The following DNTTIP2 variants were observed in gnomAD, a reference collection of about 807,000 sequenced individuals.
DNTTIP2 encodes the protein deoxynucleotidyltransferase terminal interacting protein 2.
In DNTTIP2, 47 loss-of-function variants were observed where a neutral mutation model predicts 62.4. That is an observed-to-expected ratio of 0.75 (90% CI 0.60 to 0.96). DNTTIP2 has a LOEUF of 0.96. Among genes scored for constraint, DNTTIP2 ranks in the 40% least tolerant of loss-of-function variants. DNTTIP2 has a pLI of 0.00. For missense variants in DNTTIP2, 870 were observed against 849.1 expected, an observed-to-expected ratio of 1.02 and a Z score of -0.31; for synonymous variants, 322 against 300.9, an observed-to-expected ratio of 1.07 and a Z score of -0.73.
chr1:93,867,198 T>G lies in DNTTIP2; in HGVS notation c.*2653A>C, dbSNP rs1488820427. 1 of 150,848 alleles carries G rather than the reference T, an allele frequency of 6.6e-6. No individual in the cohort carries two copies. The highest frequency in any genetic ancestry group is 6.6e-5 in the Admixed American group (1 of 15,158). The allele number at this position is 150,848 out of a possible 1,614,324, so 9.3% of individuals were successfully genotyped here. On this transcript the variant is annotated 3_prime_UTR_variant, in exon 7 of 7. Coordinates refer to ENST00000436063, the MANE Select transcript of DNTTIP2 (RefSeq NM_014597.5). ...GCCAGATGGTGTATAAATACAGCAT[T>G]CTTTTCGAAATCTTTCAAGATCTTC...
At position 93,869,189 on chromosome 1, in the gene DNTTIP2, T is replaced by C. The variant is rs990665031; in HGVS notation, c.*662A>G. On this transcript the variant is annotated 3_prime_UTR_variant, in exon 7 of 7. Transcript: ENST00000436063. Reference sequence around the variant, plus strand: ...GGAGAAGAGGTAAGCTGGGTTAACTTCGAAGAAACCCTGGCCAACTTAAAT... The same window carrying C: ...GGAGAAGAGGTAAGCTGGGTTAACTCCGAAGAAACCCTGGCCAACTTAAAT... The C allele has an allele frequency of 8.0e-6, 1 of 124,852 alleles. No individual in the cohort carries two copies. Among genetic ancestry groups the C allele is most frequent in the African/African-American group, 3.2e-5 (1 of 30,874 alleles). The allele number at this position is 124,852 out of a possible 1,614,324, so 7.7% of individuals were successfully genotyped here.
chr1:93,877,631 T>G lies in DNTTIP2; in HGVS notation c.304A>C (p.Thr102Pro). 1 of 1,614,012 alleles carries G rather than the reference T, an allele frequency of 6.2e-7. No homozygotes were observed. The highest frequency in any genetic ancestry group is 8.5e-7 in the Non-Finnish European group (1 of 1,179,884). ...CTTCTCCTAGTTACCCTTAAAATGG[T>G]ATCATGGTGCTCAGACACAGAATAA... ...SNYSVSEHHDTILRVTRRRQI... is the reference protein window; with the variant it reads ...SNYSVSEHHDPILRVTRRRQI... Residue 102 changes from threonine (T) to proline (P), a missense_variant, in exon 2 of 7, where the codon ACC becomes CCC. Thr to Pro is a conservative substitution (Grantham distance 38). Coordinates refer to ENST00000436063, the MANE Select transcript of DNTTIP2 (RefSeq NM_014597.5).
intron 3 of DNTTIP2, among the ~76,000 whole-genome samples, chr1:93,873,592 C>T (rs1224788168): frequency 1.3e-5 from 2 of 149,002 alleles, no homozygotes; most frequent in Non-Finnish European, 3.0e-5. Context: ...CAGAGTGAGA[C>T]CCTGTCTCCC....
chr1:93,872,564 A>C (rs1481510967), intron 4 of DNTTIP2, among the ~76,000 whole-genome samples: 1 of 152,206 alleles, frequency 6.6e-6, no homozygotes, highest in African/African-American at 2.4e-5. Context: ...ATGCAGTAAG[A>C]AAATGTATAA....
chr1:93,871,702 G>A (rs570905741), intron 5 of DNTTIP2, among the ~76,000 whole-genome samples: 12 of 152,250 alleles, frequency 7.9e-5, no homozygotes, highest in East Asian at 7.7e-4. Context: ...GGTGTAACAC[G>A]AACAGATGAA....
rs374061687 is a variant in DNTTIP2 at position 93,876,340 on chromosome 1, G to C, written c.1595C>G (p.Ser532Ter). 3.9e-6 allele frequency: 6 copies of C among 1,554,830 alleles called. No homozygotes were observed. The African/African-American group carries it at 8.2e-5, about 21-fold the overall frequency. Residue 532 changes from serine (S) to a stop codon, truncating the protein, a stop_gained, in exon 2 of 7, where the codon TCA becomes TGA. Coordinates refer to ENST00000436063, the MANE Select transcript of DNTTIP2 (RefSeq NM_014597.5). LOFTEE classifies it high-confidence loss of function. ...EEEDEKSEED[S>*]SDHDENEDEF... The stretch of plus-strand genomic sequence containing the variant: ...ATCTTCATTTTCGTCATGGTCTGAT[G>C]AATCTTCTTCACTTTTTTCATCCTC...
intron 4 of DNTTIP2, 135 bp from the exon 5 acceptor site, chr1:93,872,371 C>A (rs1162887035): frequency 3.7e-6 from 3 of 820,232 alleles, no homozygotes; most frequent in Non-Finnish European, 5.5e-6. Flanking sequence ...GCACTTAAAT[C>A]CAGAATCATA....
At chr1:93,870,087 G>A (rs201341136) in intron 6 of DNTTIP2, 143 bp from the exon 7 acceptor site, 1 of 576,726 alleles carries the variant, frequency 1.7e-6, no homozygotes, top group Non-Finnish European at 3.1e-6. Flanking sequence ...AATCTAGGGA[G>A]AAAAAATGGC....
chr1:93,873,034 C>A, intron 4 of DNTTIP2, 85 bp downstream of exon 4: 1 of 909,982 alleles, frequency 1.1e-6, no homozygotes, highest in Non-Finnish European at 1.7e-6. Flanking sequence ...CCAACAGATA[C>A]AGTTTAATTG....
intron 5 of DNTTIP2, 33 bp from the exon 6 acceptor site, chr1:93,870,825 T>C (rs1028989504): frequency 3.3e-6 from 4 of 1,225,818 alleles, no homozygotes; most frequent in African/African-American, 1.5e-5. Flanking sequence ...AGTCATGCAT[T>C]GAGTGCCAAG....
At position 93,869,797 on chromosome 1, in the gene DNTTIP2, T is replaced by TTTTA; in HGVS notation, c.*53_*54insTAAA. On this transcript the variant is annotated 3_prime_UTR_variant, in exon 7 of 7. Coordinates refer to ENST00000436063, the MANE Select transcript of DNTTIP2 (RefSeq NM_014597.5). ...TGATGGTGTTAGTTTTCCAAACGTC[T>TTTTA]TTAATAAGTAAATAAAGGAGCAATG... is the stretch of plus-strand genomic sequence containing the variant. The TTTTA allele has an allele frequency of 1.3e-6, 1 of 757,084 alleles. No homozygotes were observed. Among genetic ancestry groups the TTTTA allele is most frequent in the South Asian group, 1.4e-5 (1 of 72,102 alleles). 46.9% of individuals were successfully genotyped at this position (757,084 alleles called of 1,614,324 possible).
intron 1 of DNTTIP2, 130 bp from the exon 2 acceptor site, chr1:93,877,992 G>A (rs1656058852): frequency 7.5e-7 from 1 of 1,337,944 alleles, no homozygotes; most frequent in Admixed American, 3.0e-5. Context: ...AAAAAAACCT[G>A]CCCAACTCAT....
rs1045462886 is a variant in DNTTIP2 at position 93,873,343 on chromosome 1, T to C, written c.1807-129A>G. 4 of 660,904 alleles carry C rather than the reference T, an allele frequency of 6.1e-6. No homozygotes were observed. In the African/African-American group the frequency reaches 7.5e-5, roughly 12 times the overall value. The allele number at this position is 660,904 out of a possible 1,614,324, so 40.9% of individuals were successfully genotyped here. A position where few individuals can be genotyped will look rare whatever the true frequency, so the allele number is the denominator to read the frequency against. ...AAGTGGCTCACACCTATAATCCTAG[T>C]GCTTTGAGGAGGCCAAGGGAGGAGG... On this transcript the variant is annotated intron_variant, in intron 3 of 6. Transcript: ENST00000436063.
rs1656022058 is a variant in DNTTIP2, at chr1:93,876,833, C to A, written c.1102G>T (p.Ala368Ser). ...AVMKSLTQTF[A>S]TVEVGRWNNN... ...TTCCATCTGCCTACTTCCACAGTTG[C>A]AAATGTTTGAGTTAATGATTTCATT... The change falls in exon 2 of 7, where the codon GCA (alanine) becomes TCA (serine). Residue 368 changes from alanine (A) to serine (S), a missense_variant. Physicochemically the swap from Ala to Ser is moderately conservative, Grantham distance 99. Transcript: ENST00000436063. 6.2e-7 allele frequency: 1 copy of A among 1,613,888 alleles called. No individual in the cohort carries two copies. The highest frequency in any genetic ancestry group is 1.1e-5 in the South Asian group (1 of 91,084).
rs1461792583 is a variant in DNTTIP2, at chr1:93,869,639, TAAAG to T, written c.*208_*211del. ...TGAGATTTTTTTTCCTTTTTTCCCATAAAGAGTCTACACCAGGGTGGGTCTTTTA... is the reference window on the plus strand; with the variant it reads ...TGAGATTTTTTTTCCTTTTTTCCCATAGTCTACACCAGGGTGGGTCTTTTA... On this transcript the variant is annotated 3_prime_UTR_variant, in exon 7 of 7. Coordinates refer to ENST00000436063, the MANE Select transcript of DNTTIP2 (RefSeq NM_014597.5). The T allele has an allele frequency of 7.2e-6, 3 of 414,648 alleles. No homozygotes were observed. Among genetic ancestry groups the T allele is most frequent in the Non-Finnish European group, 1.3e-5 (3 of 225,208 alleles). The allele number at this position is 414,648 out of a possible 1,614,324, so 25.7% of individuals were successfully genotyped here.
Position 93,879,101 on chromosome 1 carries a change from C to T in DNTTIP2, c.48G>A (p.Ala16=). 1 of 1,613,778 alleles carries T rather than the reference C, an allele frequency of 6.2e-7. No homozygotes were observed. Among genetic ancestry groups the T allele is most frequent in the Non-Finnish European group, 8.5e-7 (1 of 1,179,874 alleles). The change falls in exon 1 of 7, where the codon GCG becomes GCA. Residue 16 remains alanine, a synonymous_variant. Coordinates refer to ENST00000436063, the MANE Select transcript of DNTTIP2 (RefSeq NM_014597.5). ...CCTTTTGCCCGGAACTTTCAGCCGA[C>T]GCGGCTTGGATGCTGGCCTTAGCCC... The part of the protein sequence containing the change: ...SARAKASIQA[A]SAESSGQKSF...
At chr1:93,870,049 A>G in intron 6 of DNTTIP2, 105 bp from the exon 7 acceptor site, 1 of 646,862 alleles carries the variant, frequency 1.5e-6, no homozygotes, top group Non-Finnish European at 2.8e-6. Context: ...AGACAAGTAT[A>G]GTCTCTGACC....
At chr1:93,872,696 ATTC>A (rs1224463811) in intron 4 of DNTTIP2, among the ~76,000 whole-genome samples, 1 of 152,158 alleles carries the variant, frequency 6.6e-6, no homozygotes, top group African/African-American at 2.4e-5. Context: ...ACAAAATACT[ATTC>A]TTTAGAAAAC....
Position 93,876,987 on chromosome 1 carries a change from T to C in DNTTIP2, c.948A>G (p.Lys316=). 6.2e-7 allele frequency: 1 copy of C among 1,612,998 alleles called. No individual in the cohort carries two copies. The highest frequency in any genetic ancestry group is 2.2e-5 in the East Asian group (1 of 44,866). ...CAGAAAGATTCTTCAGCTGAGAACT[T>C]TTCTCATTAATTTCTTTCCCCTCAT... ...ITDEGKEINE[K]SSQLKNLSEL... The change falls in exon 2 of 7, where the codon AAA becomes AAG. Residue 316 remains lysine (K), a synonymous_variant. Coordinates refer to ENST00000436063, the MANE Select transcript of DNTTIP2 (RefSeq NM_014597.5).
Sources: allele counts gnomAD v4.1 joint callset (sites outside exome capture counted in the v4.1 genomes callset), GRCh38; gene constraint gnomAD v4.1.1; transcripts MANE v1.5; gene names NCBI Gene and HGNC (gene_info 2026-07-23, HGNC 2026-07-21).